FNDC3B: variants seen among roughly 807,000 people sequenced by gnomAD.
The protein encoded by FNDC3B is fibronectin type III domain-containing protein 3B.
FNDC3B carries 12 observed loss-of-function variants against 151.5 expected under a neutral mutation model. That is an observed-to-expected ratio of 0.08 (90% confidence interval 0.05 to 0.13). FNDC3B has a LOEUF of 0.13. Ranked by LOEUF, FNDC3B falls within the 10% of genes least tolerant of loss-of-function variation. The pLI is 1.00. For synonymous variants in FNDC3B, 528 were observed against 549.0 expected, an observed-to-expected ratio of 0.96 and a Z score of 0.54; for missense variants, 1,214 against 1,505.3, an observed-to-expected ratio of 0.81 and a Z score of 3.20.
intron 18 of FNDC3B, among the ~76,000 whole-genome samples, chr3:172,343,831 T>C (rs916706942): frequency 6.6e-6 from 1 of 152,234 alleles, no homozygotes; most frequent in African/African-American, 2.4e-5. Flanking sequence ...ATATCTAATG[T>C]TCCTATAATT....
At chr3:172,327,827 G>A (rs150217314) in intron 11 of FNDC3B, among the ~76,000 whole-genome samples, 2 of 152,356 alleles carry the variant, frequency 1.3e-5, no homozygotes, top group Admixed American at 1.3e-4. Context: ...TGAAAGGAAG[G>A]AGATGCTTAA....
chr3:172,106,947 A>G (rs191659623), intron 1 of FNDC3B, among the ~76,000 whole-genome samples: 337 of 152,284 alleles, frequency 2.2e-3, no homozygotes, highest in African/African-American at 7.6e-3. Context: ...AGCTTTGGGG[A>G]CATATTTGGG....
intron 3 of FNDC3B, among the ~76,000 whole-genome samples, chr3:172,140,282 G>T (rs1030238760): frequency 2.6e-5 from 4 of 152,118 alleles, no homozygotes; most frequent in African/African-American, 9.7e-5. Flanking sequence ...TTACCTGTGT[G>T]TGTCTGTACT....
At chr3:172,309,451 AGTTCTCATCTTAGAGATGG>A (rs72352561) in intron 10 of FNDC3B, among the ~76,000 whole-genome samples, 16,773 of 151,610 alleles carry the variant, frequency 0.11, 946 homozygotes, top group Middle Eastern at 0.2. Context: ...TTTTTTTTTG[AGTTCTCATCTTAGAGATGG>A]GTTCTCATCT....
intron 21 of FNDC3B, among the ~76,000 whole-genome samples, chr3:172,350,699 C>T (rs1308220285): frequency 1.3e-5 from 2 of 152,026 alleles, no homozygotes; most frequent in African/African-American, 4.8e-5. Flanking sequence ...TTTAAGAGCT[C>T]AAACTTAGCT....
intron 13 of FNDC3B, among the ~76,000 whole-genome samples, chr3:172,332,425 A>G (rs1732730280): frequency 6.6e-6 from 1 of 152,246 alleles, no homozygotes; most frequent in African/African-American, 2.4e-5. Context: ...ACCATGTGAC[A>G]TACATAGCAG....
In FNDC3B at chr3:172,222,321, T is replaced by A. The variant is rs1053270308; in HGVS notation, c.188-4550T>A. On this transcript the variant is annotated intron_variant, in intron 3 of 25. Coordinates refer to ENST00000415807, the MANE Select transcript of FNDC3B (RefSeq NM_022763.4). ...GTATAATTGATTAGTTTATAGCTGA[T>A]CTTTTTCTAAGACTTGTTTAAATGA... is the stretch of plus-strand genomic sequence containing the variant. Among the ~76,000 whole-genome samples the A allele has an allele frequency of 3.9e-5, 6 of 152,358 alleles. No homozygotes were observed. In the South Asian group the frequency reaches 1.2e-3, roughly 32 times the overall value.
At chr3:172,071,751 T>C (rs1717789435) in intron 1 of FNDC3B, among the ~76,000 whole-genome samples, 1 of 152,150 alleles carries the variant, frequency 6.6e-6, no homozygotes, top group Non-Finnish European at 1.5e-5. Flanking sequence ...GGTATGCACA[T>C]TTTTGGGGGC....
chr3:172,324,475 T>G lies in FNDC3B; in HGVS notation c.1255-4477T>G, dbSNP rs529706216. On this transcript the variant is annotated intron_variant, in intron 11 of 25. Transcript: ENST00000415807. The stretch of plus-strand genomic sequence containing the variant: ...CTTGGGAAAGGAAACAACCCACGTT[T>G]GCAATGCGTCATCCTGCGCCAGATT... Among the ~76,000 whole-genome samples, 5 of 152,298 alleles carry G rather than the reference T, an allele frequency of 3.3e-5. No homozygotes were observed. The South Asian group carries it at 1.0e-3, about 32-fold the overall frequency.
intron 6 of FNDC3B, among the ~76,000 whole-genome samples, chr3:172,283,897 CT>C (rs1271251355): frequency 6.6e-6 from 1 of 151,992 alleles, no homozygotes; most frequent in African/African-American, 2.4e-5. Flanking sequence ...GACATTGGGT[CT>C]TTTGAATGTG....
In FNDC3B at chr3:172,209,333, A is replaced by G. The variant is rs191852110; in HGVS notation, c.188-17538A>G. 4.0e-3 allele frequency among the ~76,000 whole-genome samples: 614 copies of G among 152,248 alleles called. 3 individuals carry two copies. The highest frequency in any genetic ancestry group is 0.014 in the African/African-American group (581 of 41,534). ...GGCAAGCTGGCCAGGAAAGTGTTACAGCTCCTTTCGTTCCTGCTGTTTGGT... is the reference window on the plus strand; with the variant it reads ...GGCAAGCTGGCCAGGAAAGTGTTACGGCTCCTTTCGTTCCTGCTGTTTGGT... On this transcript the variant is annotated intron_variant, in intron 3 of 25. Transcript: ENST00000415807.
chr3:172,147,044 A>G (rs957471541), intron 3 of FNDC3B, among the ~76,000 whole-genome samples: 5 of 152,164 alleles, frequency 3.3e-5, no homozygotes, highest in Non-Finnish European at 5.9e-5. Context: ...GTGGTGCCTC[A>G]CGCCTGTAAT....
chr3:172,331,840 A>G (rs552116768), intron 13 of FNDC3B, among the ~76,000 whole-genome samples: 1 of 152,294 alleles, frequency 6.6e-6, no homozygotes, highest in South Asian at 2.1e-4. Flanking sequence ...GTAGAACAGC[A>G]CCACCCAATA....
chr3:172,337,925 C>A (rs1733071759), intron 16 of FNDC3B: 1 of 153,788 alleles, frequency 6.5e-6, no homozygotes, highest in Non-Finnish European at 1.4e-5. Context: ...GGACTATAGA[C>A]ATGAATCACC....
intron 3 of FNDC3B, among the ~76,000 whole-genome samples, chr3:172,168,719 C>CTTT (rs775314296): frequency 0.023 from 3,063 of 133,142 alleles, 163 homozygotes; most frequent in African/African-American, 0.079. Flanking sequence ...TTTTCTTTTA[C>CTTT]TTTTTTTTTT....
chr3:172,174,020 C>G (rs185008608), intron 3 of FNDC3B, among the ~76,000 whole-genome samples: 58 of 152,242 alleles, frequency 3.8e-4, no homozygotes, highest in Middle Eastern at 6.8e-3. Flanking sequence ...TTCATGGGTG[C>G]AGAAAAAGAT....
In FNDC3B at chr3:172,285,092, C is replaced by T. The variant is rs553076376; in HGVS notation, c.791-834C>T. Among the ~76,000 whole-genome samples, 15 of 152,200 alleles carry T rather than the reference C, an allele frequency of 9.9e-5. 1 individual carries two copies. In the South Asian group the frequency reaches 2.3e-3, roughly 23 times the overall value. On this transcript the variant is annotated intron_variant, in intron 6 of 25. Coordinates refer to ENST00000415807, the MANE Select transcript of FNDC3B (RefSeq NM_022763.4). ...CCTAATTATTGCCCCACCCCCAAAA[C>T]ATGCCCATTTCCCTCGTGTTATTAA... is the stretch of plus-strand genomic sequence containing the variant.
At chr3:172,093,475 G>C (rs973459006) in intron 1 of FNDC3B, among the ~76,000 whole-genome samples, 1 of 151,594 alleles carries the variant, frequency 6.6e-6, no homozygotes, top group Non-Finnish European at 1.5e-5. Flanking sequence ...AGCCAGGATG[G>C]TCTCGATCTC....
intron 4 of FNDC3B, among the ~76,000 whole-genome samples, chr3:172,229,084 A>AACACACACACACACAC (rs760446690): frequency 5.1e-5 from 6 of 117,852 alleles, no homozygotes; most frequent in African/African-American, 1.6e-4. Context: ...GAAAGAAAGA[A>AACACACACACACACAC]ACACACACAC....
Sources: allele counts gnomAD v4.1 joint callset (sites outside exome capture counted in the v4.1 genomes callset), GRCh38; gene constraint gnomAD v4.1.1; transcripts MANE v1.5; gene names NCBI Gene and HGNC (gene_info 2026-07-23, HGNC 2026-07-21).